Variants in NCAM2 observed in about 807,000 individuals in gnomAD.
NCAM2 encodes neural cell adhesion molecule 2, also known as N-CAM-2.
In NCAM2, 30 loss-of-function variants were observed where a neutral mutation model predicts 98.1. The observed-to-expected ratio is 0.31, with a 90% confidence interval of 0.23 to 0.41. The LOEUF (loss-of-function observed/expected upper bound fraction) is 0.41, where lower values mean the gene tolerates loss of function less well. Among genes scored for constraint, NCAM2 ranks in the 10% least tolerant of loss-of-function variants. The pLI is 1.00. For missense variants in NCAM2, 867 were observed against 1,005.8 expected (o/e 0.86, Z 1.87); for synonymous variants, 368 against 342.4 (o/e 1.07, Z -0.83).
intron 1 of NCAM2, among the ~76,000 whole-genome samples, chr21:21,180,697 T>A (rs573927260): frequency 6.6e-6 from 1 of 152,194 alleles, no homozygotes; most frequent in Non-Finnish European, 1.5e-5. Flanking sequence ...AATTAGTTTT[T>A]GCCTTGTTTC....
chr21:21,426,367 C>G (rs1259729806), intron 11 of NCAM2, among the ~76,000 whole-genome samples: 1 of 152,012 alleles, frequency 6.6e-6, no homozygotes, highest in Non-Finnish European at 1.5e-5. Context: ...CTAGGAAATT[C>G]AGTTACTTAT....
In NCAM2 at chr21:21,035,947, A is replaced by G. The variant is rs114709902; in HGVS notation, c.55+37329A>G. On this transcript the variant is annotated intron_variant, in intron 1 of 17. Transcript: ENST00000400546. The stretch of plus-strand genomic sequence containing the variant: ...TATCAGATTTGGAGCACATACTAAT[A>G]ACCTATCCATACAAATATAACTCAA... Among the ~76,000 whole-genome samples the G allele has an allele frequency of 6.2e-3, 939 of 152,316 alleles. 13 individuals carry two copies. Among genetic ancestry groups the G allele is most frequent in the African/African-American group, 0.022 (923 of 41,572 alleles).
At chr21:21,294,892 T>C (rs928726761) in intron 5 of NCAM2, among the ~76,000 whole-genome samples, 1 of 151,752 alleles carries the variant, frequency 6.6e-6, no homozygotes, top group Non-Finnish European at 1.5e-5. Flanking sequence ...ATTTTGAGGC[T>C]GCAAAAAATA....
chr21:21,146,309 T>C (rs556545990), intron 1 of NCAM2, among the ~76,000 whole-genome samples: 66 of 151,814 alleles, frequency 4.3e-4, no homozygotes, highest in South Asian at 2.1e-3. Context: ...TTTGTTTTGT[T>C]TTTTCATGGA....
intron 1 of NCAM2, among the ~76,000 whole-genome samples, chr21:21,139,253 G>T (rs966435180): frequency 6.6e-6 from 1 of 152,218 alleles, no homozygotes; most frequent in African/African-American, 2.4e-5. Context: ...GCCACCAGAA[G>T]CTGTAAGAGG....
At chr21:21,411,217 T>A in intron 10 of NCAM2, among the ~76,000 whole-genome samples, 1 of 139,312 alleles carries the variant, frequency 7.2e-6, no homozygotes, top group African/African-American at 2.7e-5. Flanking sequence ...TAAAAATTTT[T>A]CCATATATAT....
At chr21:21,383,604 T>G (rs1751550740) in intron 9 of NCAM2, among the ~76,000 whole-genome samples, 1 of 152,150 alleles carries the variant, frequency 6.6e-6, no homozygotes, top group Admixed American at 6.6e-5. Context: ...TTTTTGAAAT[T>G]TATTTCATAT....
chr21:21,095,692 CT>C (rs1268593541), intron 1 of NCAM2, among the ~76,000 whole-genome samples: 2 of 151,484 alleles, frequency 1.3e-5, no homozygotes, highest in African/African-American at 4.8e-5. Context: ...AAGCAAGGAC[CT>C]GTGAATATAA....
At chr21:21,332,432 T>G (rs1179317285) in intron 6 of NCAM2, among the ~76,000 whole-genome samples, 1 of 152,144 alleles carries the variant, frequency 6.6e-6, no homozygotes. Flanking sequence ...GGACATGACT[T>G]AAGTCCTGTG....
chr21:21,365,238 C>CGTGTGTGTGTGTGTGTGTGTGT (rs66559489), intron 8 of NCAM2, among the ~76,000 whole-genome samples: 4 of 146,902 alleles, frequency 2.7e-5, no homozygotes, highest in Non-Finnish European at 6.0e-5. Flanking sequence ...TTGCTTAGTG[C>CGTGTGTGTGTGTGTGTGTGTGT]GTGTGTGTGT....
chr21:21,241,570 CT>C (rs1220892431), intron 1 of NCAM2, among the ~76,000 whole-genome samples: 1 of 152,132 alleles, frequency 6.6e-6, no homozygotes, highest in East Asian at 1.9e-4. Flanking sequence ...CTTTACCCCA[CT>C]GCAGTAGGGC....
At chr21:21,165,252 A>G (rs1466265115) in intron 1 of NCAM2, among the ~76,000 whole-genome samples, 1 of 152,168 alleles carries the variant, frequency 6.6e-6, no homozygotes, top group Non-Finnish European at 1.5e-5. Flanking sequence ...TAAATGATGA[A>G]TGACAGCACA....
intron 8 of NCAM2, among the ~76,000 whole-genome samples, chr21:21,362,252 C>A (rs532152717): frequency 6.6e-6 from 1 of 152,094 alleles, no homozygotes; most frequent in Non-Finnish European, 1.5e-5. Flanking sequence ...TCACCTGAAA[C>A]AAGCCATATA....
Position 21,151,223 on chromosome 21 carries a change from G to A in NCAM2, c.56-129355G>A, listed in dbSNP as rs574420799. The stretch of plus-strand genomic sequence containing the variant: ...GAGGATTTAGTCATATTACACTTTA[G>A]ACTTAATTATGTTCCAGAATATTAA... On this transcript the variant is annotated intron_variant, in intron 1 of 17. Coordinates refer to ENST00000400546, the MANE Select transcript of NCAM2 (RefSeq NM_004540.5). 2.6e-5 allele frequency among the ~76,000 whole-genome samples: 4 copies of A among 151,794 alleles called. No individual in the cohort carries two copies. The East Asian group carries it at 7.7e-4, about 29-fold the overall frequency.
At chr21:21,152,639 A>G (rs976314891) in intron 1 of NCAM2, among the ~76,000 whole-genome samples, 1 of 151,896 alleles carries the variant, frequency 6.6e-6, no homozygotes, top group Admixed American at 6.6e-5. Context: ...GTTCTACTTC[A>G]CCGTTTTGGG....
intron 15 of NCAM2, among the ~76,000 whole-genome samples, chr21:21,490,399 C>A (rs1569114514): frequency 1.3e-5 from 2 of 151,786 alleles, no homozygotes; most frequent in East Asian, 3.9e-4. Flanking sequence ...GTGAACTAAT[C>A]TAATATTGGT....
At chr21:21,074,331 A>G (rs2065634136) in intron 1 of NCAM2, among the ~76,000 whole-genome samples, 1 of 151,360 alleles carries the variant, frequency 6.6e-6, no homozygotes, top group African/African-American at 2.4e-5. Flanking sequence ...ATTAATTTAC[A>G]TTTATTTATT....
intron 14 of NCAM2, among the ~76,000 whole-genome samples, chr21:21,473,133 T>C (rs1434780901): frequency 1.3e-5 from 2 of 151,318 alleles, no homozygotes; most frequent in African/African-American, 4.8e-5. Context: ...TTTGTTTCTT[T>C]TGGATATTCT....
intron 1 of NCAM2, among the ~76,000 whole-genome samples, chr21:21,059,089 TCATGTCA>T (rs1179754516): frequency 6.6e-6 from 1 of 152,138 alleles, no homozygotes; most frequent in Non-Finnish European, 1.5e-5. Context: ...TATTAATCTA[TCATGTCA>T]CATGTTTGAC....
Sources: allele counts gnomAD v4.1 joint callset (sites outside exome capture counted in the v4.1 genomes callset), GRCh38; gene constraint gnomAD v4.1.1; transcripts MANE v1.5; gene names NCBI Gene and HGNC (gene_info 2026-07-23, HGNC 2026-07-21).